Variants in PIK3CB observed in about 807,000 individuals in gnomAD.
PIK3CB encodes the protein phosphatidylinositol 4,5-bisphosphate 3-kinase catalytic subunit beta isoform.
Under a neutral mutation model 136.8 loss-of-function variants are expected in PIK3CB, and 39 were observed. The observed-to-expected ratio is 0.29, with a 90% CI of 0.22 to 0.37. The LOEUF (loss-of-function observed/expected upper bound fraction) is 0.37. Ranked by LOEUF, PIK3CB falls within the 10% of genes least tolerant of loss-of-function variation. The pLI is 1.00. For missense variants in PIK3CB, 868 were observed against 1,275.4 expected (o/e 0.68, Z 4.87); for synonymous variants, 428 against 436.6 (o/e 0.98, Z 0.25).
At chr3:138,661,975 G>C (rs1227353458) in intron 21 of PIK3CB, among the ~76,000 whole-genome samples, 2 of 152,036 alleles carry the variant, frequency 1.3e-5, no homozygotes, top group African/African-American at 4.8e-5. Context: ...ACATGGTCTA[G>C]ATTCCCTAGG....
rs373812971 is a variant in PIK3CB, at chr3:138,749,220, T to C, written c.398-6439A>G. 1.8e-4 allele frequency among the ~76,000 whole-genome samples: 27 copies of C among 152,298 alleles called. No homozygotes were observed. The East Asian group carries it at 4.2e-3, about 24-fold the overall frequency. ...AGGGAAATAAGTACCCAATAATATATACATCTAACAAAAATCAAATGCTTT... is the reference window on the plus strand; with the variant it reads ...AGGGAAATAAGTACCCAATAATATACACATCTAACAAAAATCAAATGCTTT... On this transcript the variant is annotated intron_variant, in intron 4 of 23. Coordinates refer to ENST00000674063, the MANE Select transcript of PIK3CB (RefSeq NM_006219.3).
rs910761378 is a variant in PIK3CB, at chr3:138,784,895, G to C, written c.-17+11568C>G. Among the ~76,000 whole-genome samples, 10 of 152,236 alleles carry C rather than the reference G, an allele frequency of 6.6e-5. 1 individual carries two copies. The highest frequency in any genetic ancestry group is 4.6e-4 in the Admixed American group (7 of 15,280). On this transcript the variant is annotated intron_variant, in intron 2 of 23. Transcript: ENST00000674063. ...GCGTCTCCCTGGCCACCCATGGTCTGGGATGTGAGGAGCCCCTCTGCCCGG... is the reference window on the plus strand; with the variant it reads ...GCGTCTCCCTGGCCACCCATGGTCTCGGATGTGAGGAGCCCCTCTGCCCGG...
intron 8 of PIK3CB, among the ~76,000 whole-genome samples, chr3:138,723,127 G>A (rs1217555707): frequency 1.3e-5 from 2 of 151,740 alleles, no homozygotes; most frequent in African/African-American, 4.8e-5. Flanking sequence ...TTCAGAAAAA[G>A]CAGTAACAAA....
chr3:138,790,412 A>G (rs2046034369), intron 2 of PIK3CB, among the ~76,000 whole-genome samples: 1 of 151,532 alleles, frequency 6.6e-6, no homozygotes, highest in African/African-American at 2.4e-5. Context: ...CAGGAGTTCG[A>G]GGCCAGCCTG....
chr3:138,662,028 C>G (rs2043304377), intron 21 of PIK3CB, among the ~76,000 whole-genome samples: 1 of 152,000 alleles, frequency 6.6e-6, no homozygotes, highest in African/African-American at 2.4e-5. Context: ...CTCCCTTCTC[C>G]CATATATAAT....
intron 4 of PIK3CB, among the ~76,000 whole-genome samples, chr3:138,750,341 C>T (rs775664356): frequency 1.3e-5 from 2 of 151,442 alleles, no homozygotes; most frequent in Admixed American, 6.6e-5. Context: ...ACTATAGTCA[C>T]GGTGCTATGC....
intron 2 of PIK3CB, among the ~76,000 whole-genome samples, chr3:138,793,425 G>A (rs1185188201): frequency 6.6e-6 from 1 of 152,030 alleles, no homozygotes. Flanking sequence ...CGTCAACATG[G>A]TGAAACCCCG....
intron 1 of PIK3CB, among the ~76,000 whole-genome samples, chr3:138,808,952 T>C (rs1200281397): frequency 6.6e-6 from 1 of 151,824 alleles, no homozygotes; most frequent in Non-Finnish European, 1.5e-5. Context: ...AAAAGCAAGA[T>C]CTATGAAAAA....
rs750370591 is a variant in PIK3CB at position 138,698,858 on chromosome 3, A to G, written c.1770+49T>C. On this transcript the variant is annotated intron_variant, in intron 13 of 23. Coordinates refer to ENST00000674063, the MANE Select transcript of PIK3CB (RefSeq NM_006219.3). ...GAAAAGGATACTTTATGTGAATCCA[A>G]CCAAGTACCATACACCCAAAAAAAG... is the stretch of plus-strand genomic sequence containing the variant. The G allele has an allele frequency of 2.5e-6, 3 of 1,188,636 alleles. No homozygotes were observed. The African/African-American group carries it at 4.5e-5, about 18-fold the overall frequency. 73.6% of individuals were successfully genotyped at this position (1,188,636 alleles called of 1,614,324 possible).
At chr3:138,702,948 G>A (rs2044285664) in intron 12 of PIK3CB, among the ~76,000 whole-genome samples, 1 of 152,048 alleles carries the variant, frequency 6.6e-6, no homozygotes, top group African/African-American at 2.4e-5. Context: ...AATTGATCAT[G>A]CAAATTTTTT....
Position 138,714,522 on chromosome 3 carries a change from T to C in PIK3CB, c.1248A>G (p.Ser416=). The C allele has an allele frequency of 1.9e-6, 3 of 1,612,556 alleles. No individual in the cohort carries two copies. The highest frequency in any genetic ancestry group is 2.5e-6 in the Non-Finnish European group (3 of 1,178,584). The part of the protein sequence containing the change: ...AVLDKVKTKK[S]TKTINPSKYQ... ...ATTTAGAGGGATTAATAGTTTTCGT[T>C]GATTTCTTCGTTTTTACTTTATCCA... Residue 416 remains serine (S), a synonymous_variant, in exon 9 of 24, where the codon TCA becomes TCG. Coordinates refer to ENST00000674063, the MANE Select transcript of PIK3CB (RefSeq NM_006219.3).
intron 10 of PIK3CB, 25 bp from the exon 11 acceptor site, chr3:138,707,314 T>C (rs2044399757): frequency 6.3e-7 from 1 of 1,582,324 alleles, no homozygotes; most frequent in South Asian, 1.2e-5. Context: ...TAATTTTGGT[T>C]CTTAAAAAAT....
chr3:138,776,831 G>A (rs1402170713), intron 2 of PIK3CB, among the ~76,000 whole-genome samples: 1 of 150,084 alleles, frequency 6.7e-6, no homozygotes, highest in Non-Finnish European at 1.5e-5. Context: ...GCTGAGGTAG[G>A]AGGATCACTT....
chr3:138,662,833 G>A (rs1257508265), intron 21 of PIK3CB, among the ~76,000 whole-genome samples: 3 of 152,110 alleles, frequency 2.0e-5, no homozygotes, highest in African/African-American at 7.2e-5. Flanking sequence ...ATCCCACTGT[G>A]GTTTTGATTT....
chr3:138,706,814 G>C (rs752561937), intron 11 of PIK3CB, among the ~76,000 whole-genome samples: 1 of 152,120 alleles, frequency 6.6e-6, no homozygotes, highest in African/African-American at 2.4e-5. Flanking sequence ...GTGCCACCAT[G>C]TCCAGCTAAT....
At chr3:138,791,896 A>G (rs2046055212) in intron 2 of PIK3CB, among the ~76,000 whole-genome samples, 1 of 152,120 alleles carries the variant, frequency 6.6e-6, no homozygotes, top group East Asian at 1.9e-4. Flanking sequence ...CCATACCTTA[A>G]TGACAATGGC....
rs188421102 is a variant in PIK3CB, at chr3:138,690,919, T to C, written c.2036+81A>G. ...CGGTTCAGAAAAAAACTAAAGCAGC[T>C]ATTTTTCTATTAAATATATTATGCT... is the stretch of plus-strand genomic sequence containing the variant. On this transcript the variant is annotated intron_variant, in intron 15 of 23. Transcript: ENST00000674063. The C allele has an allele frequency of 3.6e-6, 4 of 1,116,228 alleles. No homozygotes were observed. In the Admixed American group the frequency reaches 9.2e-5, roughly 26 times the overall value. 69.1% of individuals were successfully genotyped at this position (1,116,228 alleles called of 1,614,324 possible).
intron 5 of PIK3CB, among the ~76,000 whole-genome samples, chr3:138,739,706 G>C (rs1455115415): frequency 6.6e-6 from 1 of 150,882 alleles, no homozygotes; most frequent in Non-Finnish European, 1.5e-5. Flanking sequence ...CTCAAGACCA[G>C]CCTGGCAAAC....
At chr3:138,758,369 T>C (rs1337129843) in intron 3 of PIK3CB, among the ~76,000 whole-genome samples, 5 of 152,188 alleles carry the variant, frequency 3.3e-5, no homozygotes, top group African/African-American at 9.7e-5. Flanking sequence ...AATGTCTAAA[T>C]AGTAAATTCC....
Sources: allele counts gnomAD v4.1 joint callset (sites outside exome capture counted in the v4.1 genomes callset), GRCh38; gene constraint gnomAD v4.1.1; transcripts MANE v1.5; gene names NCBI Gene and HGNC (gene_info 2026-07-23, HGNC 2026-07-21).